MFHAS1: variants seen among roughly 807,000 people sequenced by gnomAD.
MFHAS1 encodes the protein malignant fibrous histiocytoma-amplified sequence 1.
In MFHAS1, 50 loss-of-function variants were observed where a neutral mutation model predicts 70.4. The ratio of observed to expected loss-of-function variants is 0.71; its 90% CI spans 0.57 to 0.90. MFHAS1 has a LOEUF of 0.90. MFHAS1 is among the 40% of genes least tolerant of loss of function. The pLI is 0.00. For synonymous variants in MFHAS1, 952 were observed against 620.0 expected, an observed-to-expected ratio of 1.54 and a Z score of -7.96; for missense variants, 1,795 against 1,347.6, an observed-to-expected ratio of 1.33 and a Z score of -5.20.
intron 1 of MFHAS1, among the ~76,000 whole-genome samples, chr8:8,813,859 T>A (rs1375646862): frequency 2.0e-5 from 3 of 152,088 alleles, no homozygotes; most frequent in African/African-American, 7.2e-5. Context: ...TCACCCACAC[T>A]GACTCACCCA....
intron 1 of MFHAS1, among the ~76,000 whole-genome samples, chr8:8,813,008 C>G (rs1806607843): frequency 6.6e-6 from 1 of 152,146 alleles, no homozygotes; most frequent in South Asian, 2.1e-4. Context: ...CTCAAGTGAT[C>G]TGTCCACTTC....
chr8:8,840,457 A>C (rs1465294687), intron 1 of MFHAS1, among the ~76,000 whole-genome samples: 3 of 128,658 alleles, frequency 2.3e-5, no homozygotes, highest in Non-Finnish European at 4.9e-5. Context: ...ACTCCATCTC[A>C]ATACAAAAAA....
intron 1 of MFHAS1, among the ~76,000 whole-genome samples, chr8:8,811,251 A>C (rs1362768598): frequency 6.6e-6 from 1 of 152,142 alleles, no homozygotes; most frequent in African/African-American, 2.4e-5. Context: ...AACTAATTTA[A>C]ACCCAGCACT....
At chr8:8,824,955 A>G (rs929672155) in intron 1 of MFHAS1, among the ~76,000 whole-genome samples, 4 of 152,216 alleles carry the variant, frequency 2.6e-5, no homozygotes, top group African/African-American at 9.6e-5. Flanking sequence ...GGCCACGTTT[A>G]GCATTTGCAG....
At chr8:8,864,260 AC>A (rs1275326701) in intron 1 of MFHAS1, among the ~76,000 whole-genome samples, 1 of 152,226 alleles carries the variant, frequency 6.6e-6, no homozygotes, top group African/African-American at 2.4e-5. Flanking sequence ...AGTTAAAAAA[AC>A]AAAGCCATTT....
chr8:8,786,120 A>T lies in MFHAS1; in HGVS notation c.3126-65T>A. The T allele has an allele frequency of 2.9e-6, 4 of 1,385,926 alleles. No homozygotes were observed. The Admixed American group carries it at 6.7e-5, about 23-fold the overall frequency. The allele number at this position is 1,385,926 out of a possible 1,614,324, so 85.9% of individuals were successfully genotyped here. ...AACGTACTGGACAATGCTACCCTCA[A>T]TAAGAAAAGGAAGTGATGATAGAAA... is the stretch of plus-strand genomic sequence containing the variant. On this transcript the variant is annotated intron_variant, in intron 2 of 2. Coordinates refer to ENST00000276282, the MANE Select transcript of MFHAS1 (RefSeq NM_004225.3).
chr8:8,804,604 C>A (rs1806224162), intron 1 of MFHAS1, among the ~76,000 whole-genome samples: 1 of 152,180 alleles, frequency 6.6e-6, no homozygotes, highest in African/African-American at 2.4e-5. Flanking sequence ...GGCCTGGTCA[C>A]TAGGCAACAC....
Position 8,891,556 on chromosome 8 carries a change from C to T in MFHAS1, c.1503G>A (p.Val501=), listed in dbSNP as rs1233831851. Residue 501 remains valine, a synonymous_variant, in exon 1 of 3, where the codon GTG becomes GTA. Transcript: ENST00000276282. This position sits in a 1 kb window ranked among gnomAD's most constrained non-coding sequence, Gnocchi z 5.4. ...GAGGCTCATAGGTGGCCAAGTTGAC[C>T]ACCAGCACGTATAGGGCCCCTGGGG... ...FLSPGALYVL[V]VNLATYEPRH... is the part of the protein sequence containing the mutation. The T allele has an allele frequency of 6.8e-6, 11 of 1,613,166 alleles. No individual in the cohort carries two copies. Among genetic ancestry groups the T allele is most frequent in the Non-Finnish European group, 8.5e-6 (10 of 1,180,030 alleles).
intron 1 of MFHAS1, among the ~76,000 whole-genome samples, chr8:8,883,063 G>A (rs2116932983): frequency 6.6e-6 from 1 of 152,266 alleles, no homozygotes; most frequent in Non-Finnish European, 1.5e-5. Flanking sequence ...TGGAGCAGGA[G>A]GATCACTTGG....
At chr8:8,884,775 C>G (rs903406293) in intron 1 of MFHAS1, among the ~76,000 whole-genome samples, 1 of 152,094 alleles carries the variant, frequency 6.6e-6, no homozygotes, top group Non-Finnish European at 1.5e-5. Context: ...ACAGCGAAAC[C>G]CTGTCTCTAC....
At chr8:8,787,814 C>G (rs766763326) in intron 2 of MFHAS1, among the ~76,000 whole-genome samples, 2 of 152,210 alleles carry the variant, frequency 1.3e-5, no homozygotes, top group Non-Finnish European at 2.9e-5. Context: ...CCGGGCTACA[C>G]GTAAGACTGA....
At chr8:8,842,013 G>T (rs551095123) in intron 1 of MFHAS1, among the ~76,000 whole-genome samples, 99 of 152,250 alleles carry the variant, frequency 6.5e-4, no homozygotes, top group African/African-American at 2.1e-3. Context: ...GTTTCTCTAC[G>T]GTGAAAGAAT....
At chr8:8,804,177 T>C (rs1371946955) in intron 1 of MFHAS1, among the ~76,000 whole-genome samples, 1 of 152,116 alleles carries the variant, frequency 6.6e-6, no homozygotes, top group African/African-American at 2.4e-5. Context: ...TATCCTAAGG[T>C]ATGGTTCCAA....
chr8:8,826,137 G>A (rs1022498207), intron 1 of MFHAS1, among the ~76,000 whole-genome samples: 18 of 152,094 alleles, frequency 1.2e-4, no homozygotes, highest in African/African-American at 4.3e-4. Context: ...ACACTATAAA[G>A]TGAAAAATAA....
At chr8:8,871,476 G>A (rs1323457543) in intron 1 of MFHAS1, among the ~76,000 whole-genome samples, 1 of 152,170 alleles carries the variant, frequency 6.6e-6, no homozygotes, top group Non-Finnish European at 1.5e-5. Flanking sequence ...TTTGAACCAG[G>A]GAGGTGGAGG....
chr8:8,787,668 G>A (rs117666442), intron 2 of MFHAS1, among the ~76,000 whole-genome samples: 18 of 152,296 alleles, frequency 1.2e-4, no homozygotes, highest in East Asian at 9.6e-4. Flanking sequence ...TAAGGAGGAC[G>A]CCAGTGTAAA....
At chr8:8,850,388 T>A (rs573972404) in intron 1 of MFHAS1, among the ~76,000 whole-genome samples, 1 of 152,216 alleles carries the variant, frequency 6.6e-6, no homozygotes, top group South Asian at 2.1e-4. Flanking sequence ...ATTAGAGAGA[T>A]AGACTGTGGT....
intron 1 of MFHAS1, among the ~76,000 whole-genome samples, chr8:8,883,260 C>A (rs1427878823): frequency 6.6e-6 from 1 of 152,222 alleles, no homozygotes; most frequent in African/African-American, 2.4e-5. Context: ...AGCAGACCTC[C>A]ATCCCCAGGG....
At chr8:8,869,639 G>A (rs1211393247) in intron 1 of MFHAS1, among the ~76,000 whole-genome samples, 7 of 152,152 alleles carry the variant, frequency 4.6e-5, no homozygotes, top group Admixed American at 3.3e-4. Context: ...GCTAGCAGCC[G>A]TTCCACATCA....
Sources: allele counts gnomAD v4.1 joint callset (sites outside exome capture counted in the v4.1 genomes callset), GRCh38; gene constraint gnomAD v4.1.1; non-coding constraint Gnocchi (gnomAD v3.1); transcripts MANE v1.5; gene names NCBI Gene and HGNC (gene_info 2026-07-23, HGNC 2026-07-21).